The following RBMS3 variants were observed in gnomAD, a reference collection of about 807,000 sequenced individuals.
RBMS3 encodes RNA-binding motif, single-stranded-interacting protein 3.
RBMS3 carries 27 observed loss-of-function variants against 66.8 expected under a neutral mutation model. The observed-to-expected ratio is 0.40, with a 90% CI of 0.30 to 0.56. The LOEUF (loss-of-function observed/expected upper bound fraction) is 0.56, where lower values mean the gene tolerates loss of function less well. RBMS3 is among the 20% of genes least tolerant of loss of function. The pLI is 0.40. For synonymous variants in RBMS3, 188 were observed against 183.0 expected (o/e 1.03, Z -0.22); for missense variants, 513 against 549.5 (o/e 0.93, Z 0.66).
At chr3:29,328,923 T>C (rs1292755253) in intron 1 of RBMS3, among the ~76,000 whole-genome samples, 1 of 152,224 alleles carries the variant, frequency 6.6e-6, no homozygotes, top group Non-Finnish European at 1.5e-5. Context: ...GTAAATATTT[T>C]TGAAACATGA....
intron 10 of RBMS3, among the ~76,000 whole-genome samples, chr3:29,905,450 C>T (rs2060354158): frequency 1.3e-5 from 2 of 151,490 alleles, no homozygotes; most frequent in Admixed American, 1.3e-4. Flanking sequence ...TTTTTTTTCC[C>T]CCAAACATGG....
intron 4 of RBMS3, among the ~76,000 whole-genome samples, chr3:29,659,612 C>T (rs2050456720): frequency 6.6e-6 from 1 of 152,128 alleles, no homozygotes; most frequent in African/African-American, 2.4e-5. Flanking sequence ...CTACATTTCC[C>T]TTATCCATTC....
At chr3:29,747,651 G>A (rs985493864) in intron 5 of RBMS3, among the ~76,000 whole-genome samples, 3 of 152,108 alleles carry the variant, frequency 2.0e-5, no homozygotes, top group African/African-American at 7.2e-5. Context: ...GGAAAAATTA[G>A]GCATGTGGAT....
intron 1 of RBMS3, among the ~76,000 whole-genome samples, chr3:29,304,425 C>T (rs150260953): frequency 3.2e-4 from 49 of 152,028 alleles, no homozygotes; most frequent in African/African-American, 1.1e-3. Context: ...CTGTACTCGC[C>T]ACTTTTTAAT....
intron 11 of RBMS3, among the ~76,000 whole-genome samples, chr3:29,937,775 T>G (rs1194012321): frequency 6.6e-6 from 1 of 151,998 alleles, no homozygotes. Context: ...AGACAATATT[T>G]TATTGCTTTT....
At chr3:29,779,612 C>CT (rs1178122116) in intron 6 of RBMS3, among the ~76,000 whole-genome samples, 1 of 149,912 alleles carries the variant, frequency 6.7e-6, no homozygotes, top group Non-Finnish European at 1.5e-5. Context: ...AGAGTTCCTT[C>CT]TGTGGTTACA....
chr3:29,708,690 C>G (rs1342212539), intron 4 of RBMS3, among the ~76,000 whole-genome samples: 1 of 152,100 alleles, frequency 6.6e-6, no homozygotes, highest in Non-Finnish European at 1.5e-5. Flanking sequence ...TCGGTCGTCT[C>G]TGATGGGAAG....
chr3:29,667,832 A>T (rs750173197), intron 4 of RBMS3, among the ~76,000 whole-genome samples: 1 of 152,192 alleles, frequency 6.6e-6, no homozygotes. Context: ...TAAAAACATT[A>T]GTAATCCTGT....
At chr3:29,784,674 C>T (rs1038947158) in intron 6 of RBMS3, among the ~76,000 whole-genome samples, 12 of 151,454 alleles carry the variant, frequency 7.9e-5, no homozygotes, top group Admixed American at 5.3e-4. Flanking sequence ...GAAGAAAATA[C>T]GTAACAAAGA....
chr3:29,859,016 G>A (rs948012959), intron 6 of RBMS3, among the ~76,000 whole-genome samples: 4 of 152,140 alleles, frequency 2.6e-5, no homozygotes, highest in African/African-American at 9.7e-5. Flanking sequence ...CCAAATATAA[G>A]CAGTAATCCA....
chr3:29,924,451 C>T (rs574688739), intron 10 of RBMS3, among the ~76,000 whole-genome samples: 12 of 151,808 alleles, frequency 7.9e-5, no homozygotes, highest in Non-Finnish European at 1.5e-4. Context: ...CTAATGACAT[C>T]TGAAGAGAGT....
intron 12 of RBMS3, among the ~76,000 whole-genome samples, chr3:29,966,247 G>A (rs544242209): frequency 2.4e-4 from 36 of 152,090 alleles, no homozygotes; most frequent in Non-Finnish European, 1.9e-4. Context: ...CTAACTCTGT[G>A]AAAATGATGG....
intron 4 of RBMS3, among the ~76,000 whole-genome samples, chr3:29,672,587 A>T (rs1576487104): frequency 6.6e-6 from 1 of 152,240 alleles, no homozygotes; most frequent in African/African-American, 2.4e-5. Flanking sequence ...AAGATATGAA[A>T]GAAGATCTAC....
At chr3:29,382,767 TTAAAC>T (rs774623713) in intron 1 of RBMS3, among the ~76,000 whole-genome samples, 196 of 152,346 alleles carry the variant, frequency 1.3e-3, no homozygotes, top group Non-Finnish European at 1.3e-3. Context: ...CTACCACCGT[TTAAAC>T]TAACAAAGTT....
At chr3:29,746,376 A>G (rs2054891719) in intron 5 of RBMS3, among the ~76,000 whole-genome samples, 1 of 152,226 alleles carries the variant, frequency 6.6e-6, no homozygotes. Flanking sequence ...TAAAGTGTAA[A>G]CTTAGTGATT....
At chr3:29,555,161 T>C (rs568698905) in intron 3 of RBMS3, among the ~76,000 whole-genome samples, 1 of 152,344 alleles carries the variant, frequency 6.6e-6, no homozygotes, top group African/African-American at 2.4e-5. Context: ...AAATATAAAT[T>C]GAGAGCCTAC....
At chr3:29,531,547 T>G (rs146495776) in intron 3 of RBMS3, among the ~76,000 whole-genome samples, 1 of 152,356 alleles carries the variant, frequency 6.6e-6, no homozygotes, top group African/African-American at 2.4e-5. Flanking sequence ...CCTTGTCATC[T>G]CTTTCAGAGC....
chr3:29,563,913 A>C (rs2046644903), intron 3 of RBMS3, among the ~76,000 whole-genome samples: 1 of 151,002 alleles, frequency 6.6e-6, no homozygotes, highest in Non-Finnish European at 1.5e-5. Context: ...GCTCCTCAGG[A>C]GGTTGAGGTG....
chr3:29,504,742 C>T (rs116022716), intron 3 of RBMS3, among the ~76,000 whole-genome samples: 2,191 of 151,954 alleles, frequency 0.014, 46 homozygotes, highest in African/African-American at 0.05. Flanking sequence ...TCTCCACATC[C>T]TCATCAACAT....
Sources: gnomAD v4.1 joint callset for allele counts (sites outside exome capture counted in the v4.1 genomes callset) on GRCh38, gnomAD v4.1.1 for gene constraint, MANE v1.5 for transcripts, NCBI Gene and HGNC (gene_info 2026-07-23, HGNC 2026-07-21) for gene names.